Variants in ANKFN1 observed in about 807,000 individuals in gnomAD.
ANKFN1 encodes ankyrin repeat and fibronectin type III domain containing 1.
In ANKFN1, 74 loss-of-function variants were observed where a neutral mutation model predicts 108.7. The ratio of observed to expected loss-of-function variants is 0.68; its 90% CI spans 0.56 to 0.83. The LOEUF (loss-of-function observed/expected upper bound fraction) is 0.83, where lower values mean the gene tolerates loss of function less well. Ranked by LOEUF, ANKFN1 falls within the 40% of genes least tolerant of loss-of-function variation. ANKFN1 has a pLI of 0.00. For synonymous variants in ANKFN1, 547 were observed against 516.2 expected (o/e 1.06, Z -0.81); for missense variants, 1,505 against 1,382.3 (o/e 1.09, Z -1.41).
intron 6 of ANKFN1, among the ~76,000 whole-genome samples, chr17:56,371,001 G>A (rs528755996): frequency 4.0e-4 from 61 of 150,940 alleles, no homozygotes; most frequent in African/African-American, 1.2e-3. Flanking sequence ...GCTTCCCTAC[G>A]TCCACAGCAC....
Position 56,398,387 on chromosome 17 carries a change from G to A in ANKFN1, c.910+23673G>A, listed in dbSNP as rs189847333. ...TACTACACCAAGTGTAAAGAACTGT[G>A]TCTGAGTTGTGGCTTGGCCCTACCT... On this transcript the variant is annotated intron_variant, in intron 8 of 20. Transcript: ENST00000682825. 2.6e-5 allele frequency among the ~76,000 whole-genome samples: 4 copies of A among 152,242 alleles called. No homozygotes were observed. In the East Asian group the frequency reaches 5.8e-4, roughly 22 times the overall value.
chr17:56,399,917 T>C (rs979018231), intron 8 of ANKFN1, among the ~76,000 whole-genome samples: 2 of 147,002 alleles, frequency 1.4e-5, no homozygotes, highest in Admixed American at 1.4e-4. Context: ...TATATATATA[T>C]TATATATAGT....
At chr17:56,159,423 G>T (rs1395999904) in intron 1 of ANKFN1, among the ~76,000 whole-genome samples, 1 of 152,186 alleles carries the variant, frequency 6.6e-6, no homozygotes, top group East Asian at 1.9e-4. Context: ...CAGTTAGCCT[G>T]AGCAGATAGT....
intron 14 of ANKFN1, among the ~76,000 whole-genome samples, chr17:56,464,820 A>C (rs766129907): frequency 6.6e-6 from 1 of 152,208 alleles, no homozygotes; most frequent in African/African-American, 2.4e-5. Context: ...TTAGATGATG[A>C]TACTCAGGAC....
intron 1 of ANKFN1, among the ~76,000 whole-genome samples, chr17:56,188,581 G>GTGTGTGTATATATA (rs1212242378): frequency 3.2e-4 from 16 of 49,650 alleles, no homozygotes; most frequent in African/African-American, 1.2e-3. Flanking sequence ...GTGTGTGTGT[G>GTGTGTGTATATATA]TATATATATA....
At chr17:56,381,869 A>G (rs1250954051) in intron 8 of ANKFN1, among the ~76,000 whole-genome samples, 2 of 152,194 alleles carry the variant, frequency 1.3e-5, no homozygotes, top group African/African-American at 4.8e-5. Context: ...TCTGCAGGAT[A>G]TTATCCAGGA....
At chr17:56,441,304 T>G (rs17213356) in intron 9 of ANKFN1, among the ~76,000 whole-genome samples, 2,711 of 152,270 alleles carry the variant, frequency 0.018, 52 homozygotes, top group East Asian at 0.093. Context: ...CTTAAAGGTT[T>G]GTTGATTAAA....
chr17:56,157,477 C>T (rs537354417), intron 1 of ANKFN1, among the ~76,000 whole-genome samples: 4 of 152,302 alleles, frequency 2.6e-5, no homozygotes, highest in Admixed American at 1.3e-4. Context: ...ACAATGCTTG[C>T]TTATTCCCAG....
At chr17:56,429,570 G>A (rs937902345) in intron 8 of ANKFN1, among the ~76,000 whole-genome samples, 4 of 152,214 alleles carry the variant, frequency 2.6e-5, no homozygotes, top group African/African-American at 7.2e-5. Context: ...ACAGAGACAG[G>A]CAGCAGGCTG....
At chr17:56,183,848 G>C (rs918195625) in intron 1 of ANKFN1, among the ~76,000 whole-genome samples, 5 of 152,176 alleles carry the variant, frequency 3.3e-5, no homozygotes, top group Admixed American at 2.6e-4. Flanking sequence ...CACTTCAGCG[G>C]ATGAAGAAAC....
intron 4 of ANKFN1, 80 bp from the exon 5 acceptor site, chr17:56,350,686 C>A: frequency 2.3e-6 from 3 of 1,308,178 alleles, no homozygotes; most frequent in Non-Finnish European, 1.1e-6. Context: ...ATTCCAGATA[C>A]TGACTGGAGA....
chr17:56,239,446 A>AT (rs1342543345), intron 3 of ANKFN1, among the ~76,000 whole-genome samples: 9 of 152,322 alleles, frequency 5.9e-5, no homozygotes, highest in African/African-American at 9.6e-5. Context: ...AGTTACCCTG[A>AT]TGTGATCATT....
Position 56,515,055 on chromosome 17 carries a change from G to A in ANKFN1, c.*3786G>A, listed in dbSNP as rs1473334740. 6.6e-6 allele frequency among the ~76,000 whole-genome samples: 1 copy of A among 151,636 alleles called. No homozygotes were observed. Among genetic ancestry groups the A allele is most frequent in the Non-Finnish European group, 1.5e-5 (1 of 67,934 alleles). On this transcript the variant is annotated 3_prime_UTR_variant, in exon 21 of 21. Transcript: ENST00000682825. ...ACCAAGATGTACTTACCTTCTCTTG[G>A]AGAACTCACTTAACAGCTTAAGTGA...
chr17:56,048,060 T>A (rs1443150119), intron 4 of ANKFN1, among the ~76,000 whole-genome samples: 1 of 152,216 alleles, frequency 6.6e-6, no homozygotes, highest in Non-Finnish European at 1.5e-5. Context: ...TTGACACGGT[T>A]GTAACTGTGG....
chr17:56,163,954 A>G (rs1443751962), intron 1 of ANKFN1, among the ~76,000 whole-genome samples: 2 of 152,136 alleles, frequency 1.3e-5, no homozygotes, highest in African/African-American at 2.4e-5. Flanking sequence ...TGGTGTGTGT[A>G]TTTTGGTGTT....
chr17:56,250,698 A>G (rs1298365255), intron 3 of ANKFN1, among the ~76,000 whole-genome samples: 1 of 152,162 alleles, frequency 6.6e-6, no homozygotes, highest in Non-Finnish European at 1.5e-5. Flanking sequence ...TATGGTGTTC[A>G]GCCCAAGGTT....
intron 4 of ANKFN1, among the ~76,000 whole-genome samples, chr17:56,056,240 A>G (rs1331498388): frequency 6.6e-6 from 1 of 152,082 alleles, no homozygotes; most frequent in Non-Finnish European, 1.5e-5. Context: ...ATTAAGTCCC[A>G]TACTGCTAAA....
chr17:56,438,859 A>T (rs1386700858), intron 8 of ANKFN1, among the ~76,000 whole-genome samples: 1 of 152,216 alleles, frequency 6.6e-6, no homozygotes, highest in East Asian at 1.9e-4. Flanking sequence ...AAACATGTGG[A>T]GTGAAAAGAG....
intron 8 of ANKFN1, among the ~76,000 whole-genome samples, chr17:56,387,730 C>T (rs1309409615): frequency 6.6e-6 from 1 of 152,042 alleles, no homozygotes; most frequent in Non-Finnish European, 1.5e-5. Flanking sequence ...GAAAAACCTG[C>T]TTGATTTGTC....
Sources: gnomAD v4.1 joint callset for allele counts (sites outside exome capture counted in the v4.1 genomes callset) on GRCh38, gnomAD v4.1.1 for gene constraint, MANE v1.5 for transcripts, NCBI Gene and HGNC (gene_info 2026-07-23, HGNC 2026-07-21) for gene names.